TBC1D14: variants seen among roughly 807,000 people sequenced by gnomAD.
The protein encoded by TBC1D14 is TBC1 domain family, member 14.
Under a neutral mutation model 79.0 loss-of-function variants are expected in TBC1D14, and 26 were observed. The observed-to-expected ratio is 0.33, with a 90% confidence interval of 0.24 to 0.46. The LOEUF (loss-of-function observed/expected upper bound fraction) is 0.46. TBC1D14 is among the 20% of genes least tolerant of loss of function. The pLI is 1.00. For synonymous variants in TBC1D14, 394 were observed against 349.9 expected (o/e 1.13, Z -1.40); for missense variants, 769 against 887.6 (o/e 0.87, Z 1.70).
chr4:6,956,959 T>A (rs1297657790), intron 2 of TBC1D14, among the ~76,000 whole-genome samples: 1 of 152,248 alleles, frequency 6.6e-6, no homozygotes, highest in African/African-American at 2.4e-5. Flanking sequence ...TCTTTGCCTT[T>A]TTACCATTGA....
intron 2 of TBC1D14, among the ~76,000 whole-genome samples, chr4:6,950,045 T>C (rs931930150): frequency 6.6e-6 from 1 of 152,178 alleles, no homozygotes; most frequent in African/African-American, 2.4e-5. Flanking sequence ...GCATTTGTCC[T>C]AATGCTCCCT....
intron 3 of TBC1D14, among the ~76,000 whole-genome samples, chr4:6,986,354 G>T (rs1304140903): frequency 6.6e-6 from 1 of 152,224 alleles, no homozygotes; most frequent in African/African-American, 2.4e-5. Context: ...GTTCCAGGGA[G>T]TATGGTAGGG....
At position 7,004,840 on chromosome 4, in the gene TBC1D14, C is replaced by G; in HGVS notation, c.1271-4C>G. The G allele has an allele frequency of 1.9e-6, 3 of 1,614,062 alleles. No homozygotes were observed. The highest frequency in any genetic ancestry group is 1.1e-5 in the South Asian group (1 of 91,080). ...TAATACTTACCCAGAGGCTTTTCTT[C>G]CAGAGCTCTTTGACATCTGTCTTGC... On this transcript the variant is annotated splice_region_variant and splice_polypyrimidine_tract_variant and intron_variant, in intron 7 of 13. Transcript: ENST00000409757.
intron 2 of TBC1D14, among the ~76,000 whole-genome samples, chr4:6,933,904 A>T (rs998217190): frequency 6.6e-6 from 1 of 152,158 alleles, no homozygotes; most frequent in Non-Finnish European, 1.5e-5. Flanking sequence ...CCTGGGTGGC[A>T]GCTGTAGGGA....
intron 2 of TBC1D14, among the ~76,000 whole-genome samples, chr4:6,934,475 A>G (rs532239858): frequency 6.6e-6 from 1 of 152,196 alleles, no homozygotes; most frequent in East Asian, 1.9e-4. Flanking sequence ...CCTGGCCAAC[A>G]TGGTGAAACC....
chr4:6,912,999 A>G (rs1040706869), intron 1 of TBC1D14, among the ~76,000 whole-genome samples: 3 of 151,866 alleles, frequency 2.0e-5, no homozygotes, highest in African/African-American at 7.3e-5. Flanking sequence ...GTTCTATTCT[A>G]TTCTATTTTT....
At chr4:7,008,907 A>T (rs1720482015) in intron 9 of TBC1D14, among the ~76,000 whole-genome samples, 1 of 152,162 alleles carries the variant, frequency 6.6e-6, no homozygotes. Context: ...TAGTCCTTAG[A>T]CTGGCATTTG....
At chr4:6,911,673 CCCT>C (rs1238690797) in intron 1 of TBC1D14, among the ~76,000 whole-genome samples, 1 of 152,222 alleles carries the variant, frequency 6.6e-6, no homozygotes, top group Non-Finnish European at 1.5e-5. Context: ...CCTCCACCTT[CCCT>C]CCTCTACTCT....
chr4:6,929,987 G>C (rs78818598), intron 2 of TBC1D14, among the ~76,000 whole-genome samples: 5,261 of 152,296 alleles, frequency 0.035, 144 homozygotes, highest in Non-Finnish European at 0.053. Flanking sequence ...TTCTAAAAAA[G>C]ACAACACCCT....
intron 11 of TBC1D14, 120 bp from the exon 12 acceptor site, chr4:7,014,328 G>A (rs1721076058): frequency 1.6e-6 from 1 of 643,748 alleles, no homozygotes; most frequent in Non-Finnish European, 2.8e-6. Flanking sequence ...CATTCAAAGT[G>A]TATTAGTAAT....
rs1577150208 is a variant in TBC1D14, at chr4:7,001,062, T to C, written c.1164-83T>C. 13 of 1,150,684 alleles carry C rather than the reference T, an allele frequency of 1.1e-5. No individual in the cohort carries two copies. The East Asian group carries it at 3.1e-4, about 28-fold the overall frequency. 71.3% of individuals were successfully genotyped at this position (1,150,684 alleles called of 1,614,324 possible). A position where few individuals can be genotyped will look rare whatever the true frequency, so the allele number is the denominator to read the frequency against. On this transcript the variant is annotated intron_variant, in intron 6 of 13. Coordinates refer to ENST00000409757, the MANE Select transcript of TBC1D14 (RefSeq NM_020773.3). Reference sequence around the variant, plus strand: ...CTGATGCAACGGTGCATCCCAGCTCTTGGTGGTTCGGGGCTAGGCACGCAG... The same window carrying C: ...CTGATGCAACGGTGCATCCCAGCTCCTGGTGGTTCGGGGCTAGGCACGCAG...
At chr4:6,928,583 A>C (rs1724468811) in intron 2 of TBC1D14, among the ~76,000 whole-genome samples, 1 of 152,200 alleles carries the variant, frequency 6.6e-6, no homozygotes, top group Non-Finnish European at 1.5e-5. Context: ...CTGTAATCCC[A>C]GCACTTTGGG....
At chr4:6,969,096 G>A (rs1715986579) in intron 3 of TBC1D14, among the ~76,000 whole-genome samples, 1 of 152,208 alleles carries the variant, frequency 6.6e-6, no homozygotes, top group South Asian at 2.1e-4. Flanking sequence ...ATTCTCTGCT[G>A]TAATCATCTG....
At chr4:6,912,471 G>A (rs1362901944) in intron 1 of TBC1D14, among the ~76,000 whole-genome samples, 2 of 152,184 alleles carry the variant, frequency 1.3e-5, no homozygotes, top group East Asian at 3.8e-4. Context: ...CCATCTGGAA[G>A]GCTCTCAGGG....
chr4:6,933,472 CTT>C (rs1224278179), intron 2 of TBC1D14, among the ~76,000 whole-genome samples: 2 of 151,522 alleles, frequency 1.3e-5, no homozygotes, highest in Non-Finnish European at 2.9e-5. Flanking sequence ...ACACAGCTAA[CTT>C]TTAAAATTTT....
At chr4:7,009,126 C>G (rs551764344) in intron 9 of TBC1D14, among the ~76,000 whole-genome samples, 1 of 152,202 alleles carries the variant, frequency 6.6e-6, no homozygotes, top group African/African-American at 2.4e-5. Flanking sequence ...TTATCTCTCA[C>G]CATGTGTGAT....
chr4:7,017,663 T>C (rs1243369917), intron 12 of TBC1D14, among the ~76,000 whole-genome samples: 1 of 152,204 alleles, frequency 6.6e-6, no homozygotes, highest in Non-Finnish European at 1.5e-5. Context: ...TGCTGTCCAC[T>C]GTGCTTTGAC....
At chr4:6,914,912 G>A (rs1035679971) in intron 1 of TBC1D14, among the ~76,000 whole-genome samples, 1 of 152,124 alleles carries the variant, frequency 6.6e-6, no homozygotes, top group Non-Finnish European at 1.5e-5. Flanking sequence ...GGTGGTGGGC[G>A]GCTGTAATCC....
chr4:6,913,438 A>G (rs1257192334), intron 1 of TBC1D14, among the ~76,000 whole-genome samples: 3 of 152,218 alleles, frequency 2.0e-5, no homozygotes, highest in African/African-American at 7.2e-5. Context: ...AGGAAGGGGG[A>G]TAAAGTTTAG....
Sources: allele counts gnomAD v4.1 joint callset (sites outside exome capture counted in the v4.1 genomes callset), GRCh38; gene constraint gnomAD v4.1.1; transcripts MANE v1.5; gene names NCBI Gene and HGNC (gene_info 2026-07-23, HGNC 2026-07-21).